Variants in PRUNE2 observed in about 807,000 individuals in gnomAD.
PRUNE2 encodes the protein protein prune homolog 2.
A neutral mutation model predicts 252.0 loss-of-function variants in PRUNE2; 164 were observed. The ratio of observed to expected loss-of-function variants is 0.65; its 90% CI spans 0.57 to 0.74. The LOEUF (loss-of-function observed/expected upper bound fraction) is 0.74, where lower values mean the gene tolerates loss of function less well. PRUNE2 is among the 30% of genes least tolerant of loss of function. The pLI is 0.00. For synonymous variants in PRUNE2, 1,292 were observed against 1,350.2 expected (o/e 0.96, Z 0.94); for missense variants, 3,495 against 3,711.0 (o/e 0.94, Z 1.51).
intron 9 of PRUNE2, among the ~76,000 whole-genome samples, chr9:76,658,801 C>T (rs1241079900): frequency 3.9e-5 from 6 of 152,226 alleles, no homozygotes; most frequent in African/African-American, 9.6e-5. Context: ...TTCATGGTTT[C>T]TTTGCTGGAT....
chr9:76,894,837 T>G (rs1289235204), intron 1 of PRUNE2, among the ~76,000 whole-genome samples: 9 of 151,664 alleles, frequency 5.9e-5, no homozygotes, highest in Non-Finnish European at 1.3e-4. Flanking sequence ...CTGTCCAACA[T>G]GATGAAACCC....
intron 1 of PRUNE2, among the ~76,000 whole-genome samples, chr9:76,899,895 A>T (rs907087656): frequency 6.6e-6 from 1 of 152,214 alleles, no homozygotes; most frequent in Admixed American, 6.5e-5. Context: ...GAAGCTGGAT[A>T]GCAGATCAGG....
Position 76,708,829 on chromosome 9 carries a change from T to C in PRUNE2, c.3445A>G (p.Ser1149Gly), listed in dbSNP as rs753674124. The C allele has an allele frequency of 6.2e-7, 1 of 1,613,780 alleles. No individual in the cohort carries two copies. Among genetic ancestry groups the C allele is most frequent in the East Asian group, 2.2e-5 (1 of 44,868 alleles). The change falls in exon 8 of 19, where the codon AGT (serine) becomes GGT (glycine). Residue 1149 changes from serine to glycine, a missense_variant. Coordinates refer to ENST00000376718, the MANE Select transcript of PRUNE2 (RefSeq NM_015225.3). ...DDCSGGAAIP[S>G]DGQTEGYMAE... Reference sequence around the variant, plus strand: ...ATGTATCCTTCTGTTTGACCATCACTGGGGATTGCCGCACCCCCACTGCAG... The same window carrying C: ...ATGTATCCTTCTGTTTGACCATCACCGGGGATTGCCGCACCCCCACTGCAG...
chr9:76,864,847 A>G (rs1390604166), intron 1 of PRUNE2, among the ~76,000 whole-genome samples: 1 of 152,200 alleles, frequency 6.6e-6, no homozygotes, highest in Non-Finnish European at 1.5e-5. Flanking sequence ...GGCTCATCAG[A>G]TGGATAGAAA....
chr9:76,673,196 A>T (rs1247030419), intron 9 of PRUNE2, among the ~76,000 whole-genome samples: 6 of 152,136 alleles, frequency 3.9e-5, no homozygotes, highest in Non-Finnish European at 1.5e-5. Flanking sequence ...AATCAAATAG[A>T]CACAATAAAA....
intron 11 of PRUNE2, among the ~76,000 whole-genome samples, chr9:76,650,982 C>G (rs1847150627): frequency 6.6e-6 from 1 of 152,108 alleles, no homozygotes; most frequent in African/African-American, 2.4e-5. Flanking sequence ...GGAGCAGGAG[C>G]TGGTAGGGGC....
intron 6 of PRUNE2, among the ~76,000 whole-genome samples, chr9:76,745,291 C>T (rs1044038471): frequency 6.6e-6 from 1 of 152,218 alleles, no homozygotes; most frequent in Middle Eastern, 3.2e-3. Context: ...TAATGAAAGG[C>T]TACCAGGCTA....
rs541191252 is a variant in PRUNE2 at position 76,722,730 on chromosome 9, T to C, written c.757-9009A>G. Among the ~76,000 whole-genome samples the C allele has an allele frequency of 2.0e-5, 3 of 152,298 alleles. No individual in the cohort carries two copies. The South Asian group carries it at 6.2e-4, about 32-fold the overall frequency. ...CCTGTGAGATAGGTAACATGGTCTCTGTTTTGCATTGAGAAAATGGAGGCT... is the reference window on the plus strand; with the variant it reads ...CCTGTGAGATAGGTAACATGGTCTCCGTTTTGCATTGAGAAAATGGAGGCT... On this transcript the variant is annotated intron_variant, in intron 6 of 18. Transcript: ENST00000376718.
chr9:76,671,022 C>A (rs1423814435), intron 9 of PRUNE2, among the ~76,000 whole-genome samples: 1 of 152,222 alleles, frequency 6.6e-6, no homozygotes, highest in East Asian at 1.9e-4. Context: ...GAACACAGCT[C>A]CTCACCTGCA....
At chr9:76,632,898 G>A (rs1212283062) in intron 15 of PRUNE2, among the ~76,000 whole-genome samples, 2 of 152,130 alleles carry the variant, frequency 1.3e-5, no homozygotes, top group African/African-American at 4.8e-5. Context: ...TGTTTTTTAA[G>A]GTGGTTTAAA....
In PRUNE2 at chr9:76,776,476, G is replaced by A. The variant is rs193297419; in HGVS notation, c.756+47156C>T. ...CTGCAAAAGCTGAGTAGTATATCAC[G>A]GTATACATTTACACCACATTTTCTT... On this transcript the variant is annotated intron_variant, in intron 6 of 18. Transcript: ENST00000376718. Among the ~76,000 whole-genome samples, 233 of 150,886 alleles carry A rather than the reference G, an allele frequency of 1.5e-3. No homozygotes were observed. The Middle Eastern group carries it at 0.024, about 16-fold the overall frequency.
chr9:76,754,570 T>C (rs940672236), intron 6 of PRUNE2, among the ~76,000 whole-genome samples: 7 of 152,348 alleles, frequency 4.6e-5, no homozygotes, highest in Non-Finnish European at 1.0e-4. Context: ...TTTGAATGCT[T>C]GTGGAGCTAT....
intron 6 of PRUNE2, among the ~76,000 whole-genome samples, chr9:76,714,469 A>G (rs1233325150): frequency 6.6e-6 from 1 of 152,188 alleles, no homozygotes; most frequent in East Asian, 1.9e-4. Flanking sequence ...ATCTCGGCTC[A>G]CTGCAACCTA....
chr9:76,622,202 G>C (rs1476657470), intron 17 of PRUNE2, among the ~76,000 whole-genome samples: 2 of 152,192 alleles, frequency 1.3e-5, no homozygotes, highest in African/African-American at 4.8e-5. Context: ...CCAGGCACGA[G>C]CATAGTGCTT....
At chr9:76,664,675 C>A (rs1325104926) in intron 9 of PRUNE2, among the ~76,000 whole-genome samples, 1 of 152,130 alleles carries the variant, frequency 6.6e-6, no homozygotes, top group Admixed American at 6.6e-5. Flanking sequence ...CGTGCACCAC[C>A]ATGCCGAGCT....
At chr9:76,851,338 G>C (rs1180412472) in intron 2 of PRUNE2, among the ~76,000 whole-genome samples, 1 of 152,268 alleles carries the variant, frequency 6.6e-6, no homozygotes, top group East Asian at 1.9e-4. Context: ...ACGAGGTCAG[G>C]AGATCGAGAC....
intron 5 of PRUNE2, among the ~76,000 whole-genome samples, chr9:76,824,768 T>C (rs1471617495): frequency 6.6e-6 from 1 of 152,196 alleles, no homozygotes; most frequent in Non-Finnish European, 1.5e-5. Context: ...TTGCACTACC[T>C]ACTTACAATG....
rs370150706 is a variant in PRUNE2, at chr9:76,709,668, T to C, written c.2606A>G (p.Asn869Ser). 44 of 1,614,026 alleles carry C rather than the reference T, an allele frequency of 2.7e-5. No homozygotes were observed. Among genetic ancestry groups the C allele is most frequent in the Non-Finnish European group, 3.6e-5 (43 of 1,179,904 alleles). Residue 869 changes from asparagine to serine, a missense_variant, in exon 8 of 19, where the codon AAC (asparagine) becomes AGC (serine). Transcript: ENST00000376718. ...AAAGATGTGATCCCTGGAGTCATTGTTTTTCTTGCCCCAGATTTCTGGAGC... is the reference window on the plus strand; with the variant it reads ...AAAGATGTGATCCCTGGAGTCATTGCTTTTCTTGCCCCAGATTTCTGGAGC... ...EAAPEIWGKK[N>S]NDSRDHIFAP... is the part of the protein sequence containing the mutation.
At chr9:76,882,314 T>C (rs1291965433) in intron 1 of PRUNE2, among the ~76,000 whole-genome samples, 7 of 152,250 alleles carry the variant, frequency 4.6e-5, no homozygotes, top group Admixed American at 4.6e-4. Context: ...ATTACCATTC[T>C]CATCACCAAG....
Sources: gnomAD v4.1 joint callset for allele counts (sites outside exome capture counted in the v4.1 genomes callset) on GRCh38, gnomAD v4.1.1 for gene constraint, MANE v1.5 for transcripts, NCBI Gene and HGNC (gene_info 2026-07-23, HGNC 2026-07-21) for gene names.